Variants in PPP2R5C observed in about 807,000 individuals in gnomAD.
PPP2R5C encodes the protein serine/threonine-protein phosphatase 2A 56 kDa regulatory subunit gamma isoform.
A neutral mutation model predicts 68.9 loss-of-function variants in PPP2R5C; 7 were observed. That is an observed-to-expected ratio of 0.10 (90% CI 0.06 to 0.19). The LOEUF (loss-of-function observed/expected upper bound fraction) is 0.19, where lower values mean the gene tolerates loss of function less well. Among genes scored for constraint, PPP2R5C ranks in the 10% least tolerant of loss-of-function variants. The pLI is 1.00. For synonymous variants in PPP2R5C, 210 were observed against 222.2 expected, an observed-to-expected ratio of 0.95 and a Z score of 0.49; for missense variants, 348 against 641.3, an observed-to-expected ratio of 0.54 and a Z score of 4.94.
intron 10 of PPP2R5C, among the ~76,000 whole-genome samples, chr14:101,907,436 G>A (rs1398964202): frequency 6.6e-6 from 1 of 152,148 alleles, no homozygotes; most frequent in Non-Finnish European, 1.5e-5. Context: ...CTCCCAAAGT[G>A]CTGGGACGAC....
rs373689770 is a variant in PPP2R5C at position 101,882,153 on chromosome 14, G to A, written c.295-8G>A. On this transcript the variant is annotated splice_region_variant and splice_polypyrimidine_tract_variant and intron_variant, in intron 2 of 13. Transcript: ENST00000334743. The surrounding 1 kb of genome is among the most constrained non-coding windows in gnomAD (Gnocchi z 4.9). Reference sequence around the variant, plus strand: ...CCTGATTGTAATTATAGAATATGTGGATTTTAGTTTGCAGTTAACATGTTT... The same window carrying A: ...CCTGATTGTAATTATAGAATATGTGAATTTTAGTTTGCAGTTAACATGTTT... 8.2e-4 allele frequency: 1,287 copies of A among 1,575,676 alleles called. No individual in the cohort carries two copies. Among genetic ancestry groups the A allele is most frequent in the Non-Finnish European group, 1.0e-3 (1,200 of 1,155,334 alleles).
intron 1 of PPP2R5C, among the ~76,000 whole-genome samples, chr14:101,855,262 A>G (rs1334976994): frequency 2.0e-5 from 3 of 152,236 alleles, no homozygotes; most frequent in Non-Finnish European, 4.4e-5. Context: ...AAATCTCTGC[A>G]ATGTCTGGCT....
intron 11 of PPP2R5C, among the ~76,000 whole-genome samples, chr14:101,911,869 G>GT (rs1419511280): frequency 6.7e-6 from 1 of 148,374 alleles, no homozygotes; most frequent in African/African-American, 2.6e-5. Flanking sequence ...GGGCGACAGA[G>GT]TGAGGCCCTG....
intron 2 of PPP2R5C, among the ~76,000 whole-genome samples, chr14:101,784,232 A>G (rs2037978526): frequency 6.6e-6 from 1 of 152,150 alleles, no homozygotes; most frequent in African/African-American, 2.4e-5. Flanking sequence ...AATTTCATTC[A>G]AGGATGAGAA....
At chr14:101,763,384 C>A (rs541914776) in intron 2 of PPP2R5C, among the ~76,000 whole-genome samples, 2,955 of 148,306 alleles carry the variant, frequency 0.02, 50 homozygotes, top group Middle Eastern at 0.079. Flanking sequence ...CCACACCCAA[C>A]AAATTTTTTT....
At chr14:101,807,856 T>C (rs1690844039), upstream of PPP2R5C, among the ~76,000 whole-genome samples, 3 of 151,420 alleles carry the variant, frequency 2.0e-5, no homozygotes, top group Non-Finnish European at 1.5e-5. Context: ...TTCCGTATAT[T>C]ATATATAAAG....
chr14:101,763,889 A>G (rs996134335), intron 2 of PPP2R5C, among the ~76,000 whole-genome samples: 3 of 152,186 alleles, frequency 2.0e-5, no homozygotes, highest in East Asian at 1.9e-4. Context: ...CACCTCTGCT[A>G]CTGACGTCCT....
chr14:101,816,267 C>T (rs2039661903), intron 1 of PPP2R5C, among the ~76,000 whole-genome samples: 1 of 152,178 alleles, frequency 6.6e-6, no homozygotes, highest in African/African-American at 2.4e-5. Flanking sequence ...CTCCCTGTCA[C>T]ACTGGAAATA....
chr14:101,856,129 A>G (rs746365210), intron 1 of PPP2R5C, among the ~76,000 whole-genome samples: 1 of 152,212 alleles, frequency 6.6e-6, no homozygotes, highest in Non-Finnish European at 1.5e-5. Flanking sequence ...GGACTGTTAC[A>G]TCTTTGGACT....
At position 101,899,183 on chromosome 14, in the gene PPP2R5C, A is replaced by G. The variant is rs1378522124; in HGVS notation, c.853-2536A>G. Among the ~76,000 whole-genome samples the G allele has an allele frequency of 6.6e-6, 1 of 152,246 alleles. No homozygotes were observed. The highest frequency in any genetic ancestry group is 1.5e-5 in the Non-Finnish European group (1 of 68,042). On this transcript the variant is annotated intron_variant, in intron 8 of 13. Coordinates refer to ENST00000334743, the Ensembl canonical transcript of PPP2R5C. This position sits in a 1 kb window ranked among gnomAD's most constrained non-coding sequence, Gnocchi z 4.2. Reference sequence around the variant, plus strand: ...TCTGTTGGAAGAATAACAAAAGCTCATCAGAGATTTTACAGAAGTAAAACT... The same window carrying G: ...TCTGTTGGAAGAATAACAAAAGCTCGTCAGAGATTTTACAGAAGTAAAACT...
chr14:101,809,964 G>A (rs770843943), exon 1 of PPP2R5C: 1 of 1,613,878 alleles, frequency 6.2e-7, no homozygotes, highest in Non-Finnish European at 8.5e-7. Flanking sequence ...TAATAAAGCG[G>A]GCAGCAGGAT....
chr14:101,902,156 G>A (rs1277760474), intron 9 of PPP2R5C, among the ~76,000 whole-genome samples: 2 of 152,114 alleles, frequency 1.3e-5, no homozygotes, highest in Non-Finnish European at 2.9e-5. Flanking sequence ...TTCATGTTCA[G>A]TGTGCTTCCA....
intron 1 of PPP2R5C, among the ~76,000 whole-genome samples, chr14:101,831,050 C>A (rs1348442838): frequency 6.6e-6 from 1 of 152,152 alleles, no homozygotes; most frequent in Non-Finnish European, 1.5e-5. Context: ...ACTAACAACC[C>A]ATGTGCAAAT....
chr14:101,902,353 C>T (rs922540197), intron 9 of PPP2R5C, among the ~76,000 whole-genome samples: 3 of 152,186 alleles, frequency 2.0e-5, no homozygotes, highest in South Asian at 2.1e-4. Flanking sequence ...AATTCCTGTG[C>T]GAGAGGACGA....
rs896769605 is a variant in PPP2R5C, at chr14:101,835,287, T to A, written c.95-21399T>A. On this transcript the variant is annotated intron_variant, in intron 1 of 13. Coordinates refer to ENST00000334743, the Ensembl canonical transcript of PPP2R5C. This position sits in a 1 kb window ranked among gnomAD's most constrained non-coding sequence, Gnocchi z 5.0. ...ATAAGGGAAGCCCAGGGCAGGGTGT[T>A]GGCACAGAGCTGGGAGGTGCATTAC... is the stretch of plus-strand genomic sequence containing the variant. Among the ~76,000 whole-genome samples the A allele has an allele frequency of 6.6e-6, 1 of 152,106 alleles. No individual in the cohort carries two copies. The highest frequency in any genetic ancestry group is 1.5e-5 in the Non-Finnish European group (1 of 68,026).
chr14:101,845,463 T>TCCACCCCACTCCACC (rs1566899864), intron 1 of PPP2R5C, among the ~76,000 whole-genome samples: 1 of 151,494 alleles, frequency 6.6e-6, no homozygotes, highest in African/African-American at 2.4e-5. Flanking sequence ...TCCACTCCAC[T>TCCACCCCACTCCACC]CCACCCCACC....
At chr14:101,873,258 CATT>C (rs1251537695) in intron 2 of PPP2R5C, among the ~76,000 whole-genome samples, 2 of 152,194 alleles carry the variant, frequency 1.3e-5, no homozygotes, top group Non-Finnish European at 2.9e-5. Flanking sequence ...TTTTTCTTCT[CATT>C]ATAAATCCTT....
chr14:101,829,700 A>T (rs1369852027), intron 1 of PPP2R5C, among the ~76,000 whole-genome samples: 2 of 152,114 alleles, frequency 1.3e-5, no homozygotes, highest in East Asian at 3.9e-4. Flanking sequence ...ACAGTTTTCC[A>T]TGCATGGACC....
At chr14:101,809,552 C>CTTTTT (rs5811049), upstream of PPP2R5C, among the ~76,000 whole-genome samples, 2 of 92,896 alleles carry the variant, frequency 2.2e-5, no homozygotes, top group Non-Finnish European at 4.1e-5. Context: ...TATACACACA[C>CTTTTT]TTTTTTTTTT....
Sources: gnomAD v4.1 joint callset for allele counts (sites outside exome capture counted in the v4.1 genomes callset) on GRCh38, gnomAD v4.1.1 for gene constraint, Gnocchi (gnomAD v3.1) non-coding constraint, MANE v1.5 for transcripts, NCBI Gene and HGNC (gene_info 2026-07-23, HGNC 2026-07-21) for gene names.